The following ZNF682 variants were observed in gnomAD, a reference collection of about 807,000 sequenced individuals.
ZNF682 encodes the protein zinc finger protein 682.
In ZNF682, 29 loss-of-function variants were observed where a neutral mutation model predicts 36.5. The observed-to-expected ratio is 0.80, with a 90% CI of 0.59 to 1.08. The LOEUF is 1.08. Among genes scored for constraint, ZNF682 ranks in the 50% least tolerant of loss-of-function variants. The pLI, the probability that ZNF682 is intolerant of heterozygous loss-of-function variation, is 0.00. For synonymous variants in ZNF682, 180 were observed against 197.0 expected (o/e 0.91, Z 0.72); for missense variants, 561 against 579.7 (o/e 0.97, Z 0.33).
rs1412285079 is a variant in ZNF682 at position 20,007,490 on chromosome 19, A to C, written c.227-215T>G. 16 of 481,984 alleles carry C rather than the reference A, an allele frequency of 3.3e-5. No individual in the cohort carries two copies. In the East Asian group the frequency reaches 5.5e-4, roughly 16 times the overall value. 29.9% of individuals were successfully genotyped at this position (481,984 alleles called of 1,614,324 possible). A position where few individuals can be genotyped will look rare whatever the true frequency, so the allele number is the denominator to read the frequency against. ...AAAAAGCTTAATTCAGAGGTAATGC[A>C]GAAACTGTGGTTGAAGAGGAAGATG... On this transcript the variant is annotated intron_variant, in intron 3 of 3. Transcript: ENST00000397165.
At chr19:19,997,391 G>A in intron 3 of ZNF682, 1 of 396,522 alleles carries the variant, frequency 2.5e-6, no homozygotes, top group Non-Finnish European at 4.4e-6. Flanking sequence ...ATACCCATAA[G>A]TGTCTGCTGG....
At chr19:20,038,457 C>G (rs796655444) in intron 1 of ZNF682, among the ~76,000 whole-genome samples, 2 of 152,056 alleles carry the variant, frequency 1.3e-5, no homozygotes, top group African/African-American at 4.8e-5. Flanking sequence ...TAAAATTCAA[C>G]TGCAAGTCAG....
chr19:20,015,870 C>A, intron 3 of ZNF682: 1 of 397,868 alleles, frequency 2.5e-6, no homozygotes, highest in East Asian at 3.6e-5. Context: ...AGACTTACAT[C>A]TTTTACTGTA....
intron 3 of ZNF682, among the ~76,000 whole-genome samples, chr19:20,021,104 T>C (rs187900272): frequency 6.6e-6 from 1 of 152,312 alleles, no homozygotes; most frequent in East Asian, 1.9e-4. Flanking sequence ...CTAACACTAA[T>C]GGTAACTGAT....
At position 20,029,271 on chromosome 19, in the gene ZNF682, G is replaced by A. The variant is rs564895174; in HGVS notation, c.4-4895C>T. Among the ~76,000 whole-genome samples, 5 of 151,398 alleles carry A rather than the reference G, an allele frequency of 3.3e-5. No individual in the cohort carries two copies. In the South Asian group the frequency reaches 6.3e-4, roughly 19 times the overall value. ...GCTGGGATTACAGACGTGAGTCACC[G>A]CACCCAGCCTTTCTTTTGTTTTCTT... On this transcript the variant is annotated intron_variant, in intron 1 of 3. Transcript: ENST00000397165.
At chr19:20,015,486 A>G (rs1275352018) in intron 3 of ZNF682, 1 of 909,040 alleles carries the variant, frequency 1.1e-6, no homozygotes, top group Non-Finnish European at 1.3e-6. Context: ...ACTAAAAAAT[A>G]TAATGAATGT....
intron 3 of ZNF682, among the ~76,000 whole-genome samples, chr19:20,008,927 C>A (rs1029246128): frequency 2.6e-5 from 4 of 152,102 alleles, no homozygotes; most frequent in African/African-American, 9.7e-5. Flanking sequence ...ACCAAGGGAC[C>A]TAGACAGAAC....
chr19:20,016,498 C>G (rs1044874513), intron 3 of ZNF682, among the ~76,000 whole-genome samples: 12 of 151,692 alleles, frequency 7.9e-5, no homozygotes, highest in Admixed American at 4.6e-4. Flanking sequence ...ATTTAAAAAA[C>G]TATTAAAAGT....
At position 20,006,585 on chromosome 19, in the gene ZNF682, A is replaced by T. The variant is rs989565802; in HGVS notation, c.917T>A (p.Ile306Asn). The T allele has an allele frequency of 3.1e-6, 5 of 1,613,992 alleles. No homozygotes were observed. The highest frequency in any genetic ancestry group is 3.4e-6 in the Non-Finnish European group (4 of 1,180,012). The change falls in exon 4 of 4, where the codon ATT (isoleucine) becomes AAT (asparagine). Residue 306 changes from isoleucine to asparagine, a missense_variant. Coordinates refer to ENST00000397165, the MANE Select transcript of ZNF682 (RefSeq NM_033196.3). ...RHSHLTKHKT[I>N]HTGKKPYKCK... ...TTTGTAGGGTTTCTTTCCAGTGTGAATTGTCTTATGTTTGGTGAGATGTGA... is the reference window on the plus strand; with the variant it reads ...TTTGTAGGGTTTCTTTCCAGTGTGATTTGTCTTATGTTTGGTGAGATGTGA...
downstream of ZNF682, among the ~76,000 whole-genome samples, chr19:19,995,522 A>G (rs1305118284): frequency 1.3e-5 from 2 of 152,194 alleles, no homozygotes; most frequent in African/African-American, 4.8e-5. Flanking sequence ...TCAATAATGA[A>G]TGTATAGGAA....
At chr19:20,026,998 T>C (rs1242522027) in intron 1 of ZNF682, among the ~76,000 whole-genome samples, 2 of 152,152 alleles carry the variant, frequency 1.3e-5, no homozygotes, top group East Asian at 3.9e-4. Context: ...AGTAGAGAAG[T>C]AAAAGTTTGT....
intron 2 of ZNF682, among the ~76,000 whole-genome samples, 188 bp downstream of exon 2, chr19:20,024,061 GA>G (rs1348202696): frequency 6.6e-6 from 1 of 152,116 alleles, no homozygotes; most frequent in African/African-American, 2.4e-5. Flanking sequence ...CAAGGTAGAA[GA>G]AAGTTAATGT....
chr19:20,006,745 C>T lies in ZNF682; in HGVS notation c.757G>A (p.Gly253Ser). 1 of 1,613,916 alleles carries T rather than the reference C, an allele frequency of 6.2e-7. No homozygotes were observed. The highest frequency in any genetic ancestry group is 8.5e-7 in the Non-Finnish European group (1 of 1,179,996). Residue 253 changes from glycine (G) to serine (S), a missense_variant, in exon 4 of 4, where the codon GGT becomes AGT. Physicochemically the swap from Gly to Ser is moderately conservative, Grantham distance 56 (BLOSUM62 0). Coordinates refer to ENST00000397165, the MANE Select transcript of ZNF682 (RefSeq NM_033196.3). Reference protein sequence around the residue: ...SLTKHKRIHTGEKPYKCEECG... With the variant: ...SLTKHKRIHTSEKPYKCEECG... The stretch of plus-strand genomic sequence containing the variant: ...TCTTCACATTTGTAGGGTTTCTCAC[C>T]AGTATGGATTCTCTTATGTTTAGTA...
At chr19:20,019,398 A>G (rs752413364) in intron 3 of ZNF682, among the ~76,000 whole-genome samples, 5 of 152,202 alleles carry the variant, frequency 3.3e-5, no homozygotes, top group Non-Finnish European at 5.9e-5. Flanking sequence ...GGAAAATCCT[A>G]TTTGATACTG....
intron 3 of ZNF682, chr19:20,015,867 C>T: frequency 2.5e-6 from 1 of 397,940 alleles, no homozygotes; most frequent in Non-Finnish European, 4.4e-6. Flanking sequence ...AAAAGACTTA[C>T]ATCTTTTACT....
intron 1 of ZNF682, among the ~76,000 whole-genome samples, chr19:20,036,015 T>C (rs1393543664): frequency 6.6e-6 from 1 of 152,146 alleles, no homozygotes; most frequent in Admixed American, 6.5e-5. Flanking sequence ...GGATTACAGG[T>C]GTGAACCACT....
chr19:20,022,185 T>A (rs967656765), intron 3 of ZNF682, among the ~76,000 whole-genome samples: 8 of 145,510 alleles, frequency 5.5e-5, no homozygotes, highest in African/African-American at 1.8e-4. Context: ...AAAAAAAAAT[T>A]ATTAAAAAAA....
chr19:20,039,249 G>T, intron 1 of ZNF682, 94 bp downstream of exon 1: 1 of 1,576,852 alleles, frequency 6.3e-7, no homozygotes. Flanking sequence ...CTCCGGAGCT[G>T]ACAGCTGGGA....
intron 1 of ZNF682, 83 bp from the exon 2 acceptor site, chr19:20,024,459 C>CT (rs758095822): frequency 1.0e-4 from 146 of 1,447,996 alleles, no homozygotes; most frequent in Non-Finnish European, 1.2e-4. Context: ...ATTGCTGTGA[C>CT]TTATGAGAGT....
Sources: gnomAD v4.1 joint callset for allele counts (sites outside exome capture counted in the v4.1 genomes callset) on GRCh38, gnomAD v4.1.1 for gene constraint, MANE v1.5 for transcripts, NCBI Gene and HGNC (gene_info 2026-07-23, HGNC 2026-07-21) for gene names.